DDX55: variants seen among roughly 807,000 people sequenced by gnomAD.
DDX55 encodes ATP-dependent RNA helicase DDX55.
DDX55 carries 56 observed loss-of-function variants against 69.2 expected under a neutral mutation model. The observed-to-expected ratio is 0.81, with a 90% confidence interval of 0.65 to 1.01. The LOEUF (loss-of-function observed/expected upper bound fraction) is 1.01. DDX55 is among the 50% of genes least tolerant of loss of function. DDX55 has a pLI of 0.00. For missense variants in DDX55, 720 were observed against 745.1 expected (o/e 0.97, Z 0.39); for synonymous variants, 268 against 273.1 (o/e 0.98, Z 0.18).
chr12:123,606,146 TAAA>T lies in DDX55; in HGVS notation c.237_239del (p.Lys80del). 6.2e-7 allele frequency: 1 copy of T among 1,614,028 alleles called. No individual in the cohort carries two copies. The highest frequency in any genetic ancestry group is 8.5e-7 in the Non-Finnish European group (1 of 1,179,988). ...ATTCTTCTGAGAAGAGAAGAGAAGT[TAAA>T]AAAGAGTCAGGTGAGGACAACAAAA... On this transcript the variant is annotated inframe_deletion, in exon 3 of 14. Transcript: ENST00000238146.
intron 11 of DDX55, 43 bp downstream of exon 11, chr12:123,617,915 G>T (rs763531996): frequency 6.4e-7 from 1 of 1,569,880 alleles, no homozygotes; most frequent in Non-Finnish European, 8.8e-7. Context: ...TAGTGACGGG[G>T]TAGCTGGAAA....
In DDX55 at chr12:123,618,668, G is replaced by C. The variant is rs1461857941; in HGVS notation, c.1165-1G>C. ...AGAATGTGGTATGTGTGTGTGTGTA[G>C]TGCCCCCTGCAGGAGATGAAGCCCC... is the stretch of plus-strand genomic sequence containing the variant. On this transcript the variant is annotated splice_acceptor_variant, in intron 11 of 13. Transcript: ENST00000238146. LOFTEE classifies it high-confidence loss of function. 4.3e-6 allele frequency: 7 copies of C among 1,613,594 alleles called. No homozygotes were observed. The highest frequency in any genetic ancestry group is 5.1e-6 in the Non-Finnish European group (6 of 1,179,716).
intron 3 of DDX55, 57 bp downstream of exon 3, chr12:123,606,216 T>C: frequency 6.3e-7 from 1 of 1,591,402 alleles, no homozygotes; most frequent in Non-Finnish European, 8.5e-7. Context: ...TCACATTGGA[T>C]TAAGAAGCTG....
At position 123,620,359 on chromosome 12, in the gene DDX55, C is replaced by G. The variant is rs1350614063; in HGVS notation, c.*219C>G. ...CTTGGCCGGGTGCGGTGGCTCCTGC[C>G]TATAATCCCAGCACTTTGGGAGGCT... On this transcript the variant is annotated 3_prime_UTR_variant, in exon 14 of 14. Transcript: ENST00000238146. 1 of 385,442 alleles carries G rather than the reference C, an allele frequency of 2.6e-6. No homozygotes were observed. The allele number at this position is 385,442 out of a possible 1,614,324, so 23.9% of individuals were successfully genotyped here. A position where few individuals can be genotyped will look rare whatever the true frequency, so the allele number is the denominator to read the frequency against.
Position 123,617,883 on chromosome 12 carries a change from G to A in DDX55, c.1164+11G>A, listed in dbSNP as rs1387242865. The A allele has an allele frequency of 5.1e-6, 8 of 1,579,472 alleles. No individual in the cohort carries two copies. The highest frequency in any genetic ancestry group is 3.4e-5 in the Admixed American group (2 of 58,682). On this transcript the variant is annotated intron_variant, in intron 11 of 13. Transcript: ENST00000238146. ...GCAATTAACCAAAAAGTAAGCTGCCGTCCGTTTTCAGATAGAATGCCTAGT... is the reference window on the plus strand; with the variant it reads ...GCAATTAACCAAAAAGTAAGCTGCCATCCGTTTTCAGATAGAATGCCTAGT...
chr12:123,612,822 T>A, intron 7 of DDX55, among the ~76,000 whole-genome samples: 1 of 146,550 alleles, frequency 6.8e-6, no homozygotes, highest in African/African-American at 2.6e-5. Context: ...GTCTGTCTCT[T>A]GAAAAAAAAA....
Position 123,616,552 on chromosome 12 carries a change from A to ATT in DDX55, c.999_1000insTT (p.Ile334LeufsTer62), listed in dbSNP as rs759762733. ...ACTGATGTGATGGCCCGGGGAATTG[A>ATT]TATTCCTGAAGTCAACTGGGTTTTG... is the stretch of plus-strand genomic sequence containing the variant. On this transcript the variant is annotated frameshift_variant, in exon 10 of 14. Coordinates refer to ENST00000238146, the MANE Select transcript of DDX55 (RefSeq NM_020936.3). LOFTEE classifies it high-confidence loss of function. 7.4e-6 allele frequency: 12 copies of ATT among 1,613,996 alleles called. No individual in the cohort carries two copies. In the African/African-American group the frequency reaches 9.3e-5, roughly 13 times the overall value.
chr12:123,616,808 T>C (rs1954705496), intron 10 of DDX55: 2 of 582,814 alleles, frequency 3.4e-6, no homozygotes, highest in Middle Eastern at 3.2e-4. Flanking sequence ...CCGTGCTCCA[T>C]GTAGAGCAAG....
chr12:123,619,822 T>TA, intron 13 of DDX55, 98 bp downstream of exon 13: 2 of 1,517,496 alleles, frequency 1.3e-6, no homozygotes, highest in Non-Finnish European at 1.7e-6. Context: ...AGATTTCTGT[T>TA]ACGTTGGCGA....
At chr12:123,608,572 C>T in intron 5 of DDX55, 108 bp from the exon 6 acceptor site, 4 of 1,352,336 alleles carry the variant, frequency 3.0e-6, no homozygotes, top group South Asian at 2.6e-5. Flanking sequence ...GTTCTCTTCA[C>T]TAGGGCTTAA....
intron 8 of DDX55, among the ~76,000 whole-genome samples, chr12:123,613,755 G>C (rs1291039281): frequency 6.6e-6 from 1 of 152,202 alleles, no homozygotes; most frequent in Non-Finnish European, 1.5e-5. Flanking sequence ...CACTTCAAGA[G>C]CAGCAGAGAA....
In DDX55 at chr12:123,615,208, A is replaced by G. The variant is rs1330092058; in HGVS notation, c.848A>G (p.Tyr283Cys). The change falls in exon 9 of 14, where the codon TAT becomes TGT. Residue 283 changes from tyrosine to cysteine, a missense_variant. Transcript: ENST00000238146. ...AGCACCTGTGCCTGTGTGGAATACT[A>G]TGGGAAGGCTCTGGAAGTGCTGGTG... Reference protein sequence around the residue: ...FFSTCACVEYYGKALEVLVKG... With the variant: ...FFSTCACVEYCGKALEVLVKG... 2 of 1,614,070 alleles carry G rather than the reference A, an allele frequency of 1.2e-6. No homozygotes were observed. The highest frequency in any genetic ancestry group is 1.1e-5 in the South Asian group (1 of 91,088).
intron 6 of DDX55, 68 bp downstream of exon 6, chr12:123,608,897 G>A: frequency 7.2e-7 from 1 of 1,393,876 alleles, no homozygotes; most frequent in Non-Finnish European, 9.6e-7. Context: ...GAGCAAAATG[G>A]AGTTTACTGT....
chr12:123,618,460 T>C (rs1440438982), intron 11 of DDX55: 7 of 1,461,992 alleles, frequency 4.8e-6, no homozygotes, highest in East Asian at 2.4e-5. Flanking sequence ...CAGATTAGGA[T>C]TGTCATGTGA....
intron 8 of DDX55, 64 bp downstream of exon 8, chr12:123,613,316 G>A: frequency 6.5e-7 from 1 of 1,533,474 alleles, no homozygotes; most frequent in Non-Finnish European, 9.0e-7. Context: ...GGTGCATGCG[G>A]CCTTTGGGTT....
chr12:123,611,167 G>A (rs1409976990), intron 7 of DDX55, among the ~76,000 whole-genome samples: 3 of 152,212 alleles, frequency 2.0e-5, no homozygotes, highest in Admixed American at 6.5e-5. Flanking sequence ...CCAAAGTGCT[G>A]GGATTACAAG....
At chr12:123,612,120 T>A (rs1954290218) in intron 7 of DDX55, among the ~76,000 whole-genome samples, 1 of 152,220 alleles carries the variant, frequency 6.6e-6, no homozygotes, top group Non-Finnish European at 1.5e-5. Context: ...GCCAACATGA[T>A]GCTGAGAGGA....
chr12:123,602,405 T>C (rs1267135376), intron 1 of DDX55, 149 bp downstream of exon 1: 1 of 802,986 alleles, frequency 1.2e-6, no homozygotes, highest in East Asian at 3.1e-5. Context: ...CTGCCCAGAC[T>C]GGCGGAATGC....
rs1384349827 is a variant in DDX55 at position 123,613,196 on chromosome 12, T to C, written c.768T>C (p.Asn256=). Residue 256 remains asparagine (N), a synonymous_variant, in exon 8 of 14, where the codon AAT becomes AAC. Coordinates refer to ENST00000238146, the MANE Select transcript of DDX55 (RefSeq NM_020936.3). ...YMVCKADEKF[N]QLVHFLRNHK... ...TATGCAAGGCAGATGAGAAATTTAA[T>C]CAGCTGGTCCATTTTCTTCGCAATC... 1 of 1,614,178 alleles carries C rather than the reference T, an allele frequency of 6.2e-7. No homozygotes were observed.
Sources: allele counts gnomAD v4.1 joint callset (sites outside exome capture counted in the v4.1 genomes callset), GRCh38; gene constraint gnomAD v4.1.1; transcripts MANE v1.5; gene names NCBI Gene and HGNC (gene_info 2026-07-23, HGNC 2026-07-21).